The following CCDC60 variants were observed in gnomAD, a reference collection of about 807,000 sequenced individuals.
CCDC60 encodes coiled-coil domain containing 60, also known as coiled-coil domain-containing protein 60.
Under a neutral mutation model 63.5 loss-of-function variants are expected in CCDC60, and 54 were observed. The observed-to-expected ratio is 0.85, with a 90% confidence interval of 0.68 to 1.07. CCDC60 has a LOEUF of 1.07. Ranked by LOEUF, CCDC60 falls within the 50% of genes least tolerant of loss-of-function variation. The pLI is 0.00. For missense variants in CCDC60, 651 were observed against 684.3 expected, an observed-to-expected ratio of 0.95 and a Z score of 0.54; for synonymous variants, 206 against 238.8, an observed-to-expected ratio of 0.86 and a Z score of 1.27.
chr12:119,505,443 G>A, intron 7 of CCDC60, 140 bp downstream of exon 7: 1 of 621,116 alleles, frequency 1.6e-6, no homozygotes, highest in Non-Finnish European at 2.8e-6. Context: ...AATTTCCTTG[G>A]ACCTCTTTGT....
chr12:119,423,697 T>C (rs1161871985), intron 1 of CCDC60, among the ~76,000 whole-genome samples: 1 of 152,190 alleles, frequency 6.6e-6, no homozygotes, highest in African/African-American at 2.4e-5. Flanking sequence ...ATGGTAGAGG[T>C]TTCCTTTTGC....
chr12:119,504,202 T>C (rs1203854650), intron 6 of CCDC60, among the ~76,000 whole-genome samples: 1 of 152,218 alleles, frequency 6.6e-6, no homozygotes, highest in East Asian at 1.9e-4. Context: ...ATTCTGGTTC[T>C]GCTATTTTCT....
rs926517434 is a variant in CCDC60, at chr12:119,456,024, A to G, written c.171-15970A>G. On this transcript the variant is annotated intron_variant, in intron 2 of 13. Transcript: ENST00000327554. This position sits in a 1 kb window ranked among gnomAD's most constrained non-coding sequence, Gnocchi z 4.6. ...AAGAGAAAGAAAGAAAGAAAGAAAGAAAGAAAGAAAGAAAGAAAGAAAGAA... is the reference window on the plus strand; with the variant it reads ...AAGAGAAAGAAAGAAAGAAAGAAAGGAAGAAAGAAAGAAAGAAAGAAAGAA... Among the ~76,000 whole-genome samples the G allele has an allele frequency of 7.6e-6, 1 of 132,112 alleles. No homozygotes were observed. Among genetic ancestry groups the G allele is most frequent in the African/African-American group, 2.9e-5 (1 of 33,974 alleles). 86.7% of individuals were successfully genotyped at this position (132,112 alleles called of 152,430 possible).
Position 119,414,414 on chromosome 12 carries a change from C to T in CCDC60, c.91-14269C>T, listed in dbSNP as rs112730474. ...TTCTCAGCAAACCCTTCTTTAAAAA[C>T]AGGAAGGATTTAAGAAAGAAAATAG... On this transcript the variant is annotated intron_variant, in intron 1 of 13. Coordinates refer to ENST00000327554, the MANE Select transcript of CCDC60 (RefSeq NM_178499.5). Among the ~76,000 whole-genome samples the T allele has an allele frequency of 1.5e-3, 223 of 152,316 alleles. 1 individual carries two copies. Among genetic ancestry groups the T allele is most frequent in the African/African-American group, 5.2e-3 (215 of 41,572 alleles).
intron 1 of CCDC60, among the ~76,000 whole-genome samples, chr12:119,416,401 T>TA (rs1187021021): frequency 6.6e-6 from 1 of 152,010 alleles, no homozygotes; most frequent in Non-Finnish European, 1.5e-5. Flanking sequence ...ATAATAATAA[T>TA]AAGGCAGTGT....
rs535722778 is a variant in CCDC60, at chr12:119,383,484, C to T, written c.91-45199C>T. Among the ~76,000 whole-genome samples, 41 of 152,248 alleles carry T rather than the reference C, an allele frequency of 2.7e-4. No individual in the cohort carries two copies. In the South Asian group the frequency reaches 8.1e-3, roughly 30 times the overall value. On this transcript the variant is annotated intron_variant, in intron 1 of 13. Transcript: ENST00000327554. ...AACTTGGACTTTAGACACTGAAAGACGGATCCAGATAGCCACAGAGTATGG... is the reference window on the plus strand; with the variant it reads ...AACTTGGACTTTAGACACTGAAAGATGGATCCAGATAGCCACAGAGTATGG...
chr12:119,458,968 G>A (rs181535582), intron 2 of CCDC60, among the ~76,000 whole-genome samples: 13 of 152,158 alleles, frequency 8.5e-5, no homozygotes, highest in African/African-American at 2.4e-4. Flanking sequence ...GTCTGGTCTC[G>A]AATTCCTGAC....
rs1320928062 is a variant in CCDC60 at position 119,456,075 on chromosome 12, G to GCAAGCA, written c.171-15919_171-15918insCAAGCA. ...AGAAAGAAAGAAAGCAAGCAAGCAT[G>GCAAGCA]TGCAATTTCAAGGGGGTAGAGAGAT... On this transcript the variant is annotated intron_variant, in intron 2 of 13. Coordinates refer to ENST00000327554, the MANE Select transcript of CCDC60 (RefSeq NM_178499.5). The surrounding 1 kb of genome is among the most constrained non-coding windows in gnomAD (Gnocchi z 4.6). Among the ~76,000 whole-genome samples the GCAAGCA allele has an allele frequency of 6.7e-6, 1 of 150,316 alleles. No homozygotes were observed. The highest frequency in any genetic ancestry group is 2.5e-5 in the African/African-American group (1 of 40,652).
chr12:119,382,430 G>C (rs1956016705), intron 1 of CCDC60, among the ~76,000 whole-genome samples: 1 of 152,170 alleles, frequency 6.6e-6, no homozygotes, highest in Non-Finnish European at 1.5e-5. Context: ...ACACAGAAGG[G>C]GAACAGGGTA....
At chr12:119,480,863 TCATCAC>T (rs1429982338) in intron 4 of CCDC60, among the ~76,000 whole-genome samples, 1 of 130,154 alleles carries the variant, frequency 7.7e-6, no homozygotes, top group African/African-American at 3.0e-5. Flanking sequence ...ATCACTGTCA[TCATCAC>T]CATCACCATC....
intron 8 of CCDC60, among the ~76,000 whole-genome samples, chr12:119,517,506 G>A (rs1952386196): frequency 6.6e-6 from 1 of 152,172 alleles, no homozygotes; most frequent in Non-Finnish European, 1.5e-5. Flanking sequence ...TCTGGGTTGG[G>A]GATGGGGATC....
intron 2 of CCDC60, chr12:119,433,668 A>T: frequency 1.5e-6 from 1 of 688,544 alleles, no homozygotes; most frequent in Non-Finnish European, 2.7e-6. Flanking sequence ...TTGTTTCTTA[A>T]CTTTGTTTCC....
At chr12:119,453,238 G>A (rs1566017864) in intron 2 of CCDC60, among the ~76,000 whole-genome samples, 1 of 152,142 alleles carries the variant, frequency 6.6e-6, no homozygotes. Context: ...CATCCTGTGT[G>A]TTCACAGGCT....
intron 6 of CCDC60, 51 bp from the exon 7 acceptor site, chr12:119,505,018 C>T (rs1951952644): frequency 7.3e-7 from 1 of 1,373,192 alleles, no homozygotes; most frequent in East Asian, 2.3e-5. Flanking sequence ...TTCTTTCTTC[C>T]ATCTTTTTCC....
chr12:119,518,959 G>T (rs1246112965), intron 8 of CCDC60, among the ~76,000 whole-genome samples: 1 of 152,182 alleles, frequency 6.6e-6, no homozygotes, highest in Non-Finnish European at 1.5e-5. Flanking sequence ...TGGTTACAGA[G>T]CAAGAATGTG....
chr12:119,526,343 C>T (rs916091802), intron 11 of CCDC60, among the ~76,000 whole-genome samples: 13 of 152,072 alleles, frequency 8.5e-5, no homozygotes, highest in African/African-American at 2.7e-4. Context: ...CATCCTGGAC[C>T]TAGGAATGGG....
At chr12:119,362,230 C>G (rs1473133337) in intron 1 of CCDC60, among the ~76,000 whole-genome samples, 2 of 152,134 alleles carry the variant, frequency 1.3e-5, no homozygotes, top group Non-Finnish European at 2.9e-5. Flanking sequence ...AGGGGAGACT[C>G]AGCCCCTTTT....
At chr12:119,538,863 C>A (rs1090247) in intron 13 of CCDC60, among the ~76,000 whole-genome samples, 49,809 of 152,072 alleles carry the variant, frequency 0.33, 8,490 homozygotes, top group African/African-American at 0.44. Flanking sequence ...GTGACCATCA[C>A]ATGGGGTTTT....
chr12:119,361,167 G>GGGGAGAGGGAGA (rs534552140), intron 1 of CCDC60, among the ~76,000 whole-genome samples: 2 of 140,350 alleles, frequency 1.4e-5, no homozygotes, highest in African/African-American at 2.7e-5. Context: ...GGGAGACCAT[G>GGGGAGAGGGAGA]GGGAGAGGGA....
Sources: gnomAD v4.1 joint callset for allele counts (sites outside exome capture counted in the v4.1 genomes callset) on GRCh38, gnomAD v4.1.1 for gene constraint, Gnocchi (gnomAD v3.1) non-coding constraint, MANE v1.5 for transcripts, NCBI Gene and HGNC (gene_info 2026-07-23, HGNC 2026-07-21) for gene names.